GNAL: variants seen among roughly 807,000 people sequenced by gnomAD.
The protein encoded by GNAL is guanine nucleotide-binding protein G(olf) subunit alpha.
Under a neutral mutation model 55.1 loss-of-function variants are expected in GNAL, and 18 were observed. The ratio of observed to expected loss-of-function variants is 0.33; its 90% CI spans 0.23 to 0.48. GNAL has a LOEUF of 0.48. Among genes scored for constraint, GNAL ranks in the 20% least tolerant of loss-of-function variants. The pLI, the probability that GNAL is intolerant of heterozygous loss-of-function variation, is 0.99. For missense variants in GNAL, 412 were observed against 614.1 expected, an observed-to-expected ratio of 0.67 and a Z score of 3.48; for synonymous variants, 253 against 237.0, an observed-to-expected ratio of 1.07 and a Z score of -0.62.
intron 4 of GNAL, among the ~76,000 whole-genome samples, chr18:11,799,514 A>C (rs765635465): frequency 6.6e-6 from 1 of 152,168 alleles, no homozygotes. Context: ...ATCAGCTGAC[A>C]CACCCATAGT....
At chr18:11,877,018 C>T (rs1040593406) in intron 11 of GNAL, among the ~76,000 whole-genome samples, 10 of 152,204 alleles carry the variant, frequency 6.6e-5, no homozygotes, top group African/African-American at 2.2e-4. Flanking sequence ...CACCCATACT[C>T]TTCCTCCATC....
chr18:11,818,672 A>G (rs986165152), intron 4 of GNAL, among the ~76,000 whole-genome samples: 4 of 152,202 alleles, frequency 2.6e-5, no homozygotes, highest in Admixed American at 6.5e-5. Flanking sequence ...GTTACTGCTC[A>G]GTGTGTCTGA....
At chr18:11,703,296 C>T (rs116716687) in intron 1 of GNAL, among the ~76,000 whole-genome samples, 147 of 152,348 alleles carry the variant, frequency 9.6e-4, no homozygotes, top group African/African-American at 3.4e-3. Context: ...GAAACTCCTG[C>T]ATCTGCTTTA....
chr18:11,799,885 CCTT>C (rs1428932256), intron 4 of GNAL, among the ~76,000 whole-genome samples: 2 of 152,018 alleles, frequency 1.3e-5, no homozygotes, highest in African/African-American at 4.8e-5. Context: ...CTCCCTGAGG[CCTT>C]CTCTCTCCCT....
intron 1 of GNAL, among the ~76,000 whole-genome samples, chr18:11,704,045 C>T (rs1010757299): frequency 3.3e-5 from 5 of 152,170 alleles, no homozygotes; most frequent in East Asian, 1.9e-4. Flanking sequence ...ACAGAATGTT[C>T]GTTTAGGAAC....
chr18:11,816,242 AT>A (rs534308653), intron 4 of GNAL, among the ~76,000 whole-genome samples: 103 of 152,312 alleles, frequency 6.8e-4, no homozygotes, highest in African/African-American at 2.4e-3. Context: ...GAATGGATAA[AT>A]AAAACATGAT....
intron 9 of GNAL, among the ~76,000 whole-genome samples, chr18:11,870,649 C>CTA (rs557731122): frequency 6.6e-6 from 1 of 152,140 alleles, no homozygotes; most frequent in South Asian, 2.1e-4. Flanking sequence ...ATGTTTGAAA[C>CTA]TACTAGCATT....
chr18:11,874,327 C>T (rs574149514), intron 10 of GNAL: 1 of 152,182 alleles, frequency 6.6e-6, no homozygotes, highest in South Asian at 2.1e-4. Context: ...TTAAAAGGAA[C>T]TAACAGTTGG....
At chr18:11,862,525 C>T (rs2036170108) in intron 6 of GNAL, 76 bp downstream of exon 6, 5 of 1,227,296 alleles carry the variant, frequency 4.1e-6, no homozygotes, top group Non-Finnish European at 6.0e-6. Flanking sequence ...ATGATTATTT[C>T]AGAATGAATT....
At chr18:11,769,780 A>G (rs987759678) in intron 4 of GNAL, among the ~76,000 whole-genome samples, 5 of 152,352 alleles carry the variant, frequency 3.3e-5, no homozygotes, top group African/African-American at 1.2e-4. Flanking sequence ...AAGTGGAGGT[A>G]AAATGATCCT....
chr18:11,816,818 GA>G (rs11310574), intron 4 of GNAL, among the ~76,000 whole-genome samples: 93,744 of 138,136 alleles, frequency 0.68, 32,136 homozygotes, highest in Admixed American at 0.8. Context: ...TGTCTCGAAA[GA>G]AAAAAAAAAA....
At chr18:11,694,907 C>G (rs1387903570) in intron 1 of GNAL, among the ~76,000 whole-genome samples, 1 of 152,156 alleles carries the variant, frequency 6.6e-6, no homozygotes, top group Non-Finnish European at 1.5e-5. Context: ...ATGGCCTTTC[C>G]TCTGTGTGCA....
Position 11,690,706 on chromosome 18 carries a change from G to A in GNAL, c.376+767G>A, listed in dbSNP as rs924948908. ...TTCCCACCTATGAGTGAGAATATGC[G>A]GTGTTTGGTTTTTTGTTCTTCCGAT... On this transcript the variant is annotated intron_variant, in intron 1 of 11. Coordinates refer to ENST00000334049, the MANE Select transcript of GNAL (RefSeq NM_182978.4). 2.1e-4 allele frequency among the ~76,000 whole-genome samples: 31 copies of A among 147,750 alleles called. No individual in the cohort carries two copies. In the South Asian group the frequency reaches 3.9e-3, roughly 18 times the overall value.
At chr18:11,808,671 A>T (rs1175653360) in intron 4 of GNAL, among the ~76,000 whole-genome samples, 5 of 152,236 alleles carry the variant, frequency 3.3e-5, no homozygotes, top group African/African-American at 1.2e-4. Flanking sequence ...CGGAATGAAA[A>T]CATACATCAA....
intron 4 of GNAL, among the ~76,000 whole-genome samples, chr18:11,797,179 C>A (rs1050180205): frequency 2.0e-5 from 3 of 152,142 alleles, no homozygotes; most frequent in Admixed American, 2.0e-4. Flanking sequence ...TGATCCACCC[C>A]CCTTGGCCTC....
At chr18:11,839,449 ATGG>A (rs891017575) in intron 5 of GNAL, among the ~76,000 whole-genome samples, 1 of 150,414 alleles carries the variant, frequency 6.6e-6, no homozygotes, top group African/African-American at 2.4e-5. Context: ...GCTCCTTGAT[ATGG>A]TGAAAGCGGG....
chr18:11,735,251 A>G (rs943445445), intron 1 of GNAL, among the ~76,000 whole-genome samples: 1 of 151,714 alleles, frequency 6.6e-6, no homozygotes, highest in Non-Finnish European at 1.5e-5. Context: ...GGGTTTCACC[A>G]TGTTGACCAG....
intron 5 of GNAL, among the ~76,000 whole-genome samples, chr18:11,835,875 T>C (rs1336836916): frequency 6.6e-6 from 1 of 152,208 alleles, no homozygotes; most frequent in Non-Finnish European, 1.5e-5. Flanking sequence ...CCAGGCGAGG[T>C]GGCTCACATC....
intron 10 of GNAL, among the ~76,000 whole-genome samples, chr18:11,873,425 C>T (rs557803288): frequency 2.4e-4 from 37 of 152,120 alleles, no homozygotes; most frequent in African/African-American, 6.7e-4. Context: ...CATAAAGACC[C>T]GAAAAAAATT....
Sources: gnomAD v4.1 joint callset for allele counts (sites outside exome capture counted in the v4.1 genomes callset) on GRCh38, gnomAD v4.1.1 for gene constraint, MANE v1.5 for transcripts, NCBI Gene and HGNC (gene_info 2026-07-23, HGNC 2026-07-21) for gene names.